C2orf76: variants seen among roughly 807,000 people sequenced by gnomAD.
The protein encoded by C2orf76 is UPF0538 protein C2orf76.
Under a neutral mutation model 16.9 loss-of-function variants are expected in C2orf76, and 23 were observed. The observed-to-expected ratio is 1.36, with a 90% CI of 0.98 to 1.93. The LOEUF (loss-of-function observed/expected upper bound fraction) is 1.93, where lower values mean the gene tolerates loss of function less well. C2orf76 is among the 30% of genes most tolerant of loss of function. The pLI is 0.00. For missense variants in C2orf76, 152 were observed against 152.6 expected, an observed-to-expected ratio of 1.00 and a Z score of 0.02; for synonymous variants, 48 against 52.3, an observed-to-expected ratio of 0.92 and a Z score of 0.35.
intron 1 of C2orf76, among the ~76,000 whole-genome samples, chr2:119,346,205 T>C (rs2104618518): frequency 6.6e-6 from 1 of 152,328 alleles, no homozygotes; most frequent in South Asian, 2.1e-4. Flanking sequence ...AAAATGGTAC[T>C]AGCCAGTCTG....
chr2:119,297,802 T>C (rs957908264), downstream of C2orf76, among the ~76,000 whole-genome samples: 2 of 152,132 alleles, frequency 1.3e-5, no homozygotes, highest in African/African-American at 2.4e-5. Flanking sequence ...TGGACCAGAA[T>C]TGGTTGTTTT....
intron 1 of C2orf76, among the ~76,000 whole-genome samples, chr2:119,357,709 C>T (rs1680615818): frequency 1.3e-5 from 2 of 151,606 alleles, no homozygotes; most frequent in Admixed American, 1.3e-4. Context: ...TCTTATTCAA[C>T]ATGCTGCTGG....
At chr2:119,331,579 C>G (rs900883926) in intron 2 of C2orf76, among the ~76,000 whole-genome samples, 5 of 152,150 alleles carry the variant, frequency 3.3e-5, no homozygotes, top group Non-Finnish European at 7.3e-5. Flanking sequence ...GCCCTGTGAA[C>G]TCTCCAGGGT....
At chr2:119,312,900 T>G (rs372858019) in intron 4 of C2orf76, among the ~76,000 whole-genome samples, 7 of 151,812 alleles carry the variant, frequency 4.6e-5, no homozygotes, top group East Asian at 3.9e-4. Context: ...CGGTGGCAGG[T>G]GCCTGTAGTC....
rs569685977 is a variant in C2orf76 at position 119,327,420 on chromosome 2, G to C, written c.134-6216C>G. ...CCTACATGGTCATTGATATAGTTTG[G>C]ATGTTTTGTCCCCTCCAAATCTCAT... On this transcript the variant is annotated intron_variant, in intron 2 of 5. Coordinates refer to ENST00000334816, the MANE Select transcript of C2orf76 (RefSeq NM_001322331.2). Among the ~76,000 whole-genome samples the C allele has an allele frequency of 2.2e-4, 28 of 129,532 alleles. No homozygotes were observed. In the South Asian group the frequency reaches 6.4e-3, roughly 29 times the overall value. 85.0% of individuals were successfully genotyped at this position (129,532 alleles called of 152,430 possible). A position where few individuals can be genotyped will look rare whatever the true frequency, so the allele number is the denominator to read the frequency against.
chr2:119,294,594 G>A, the C2orf76 span, among the ~76,000 whole-genome samples: 1 of 152,148 alleles, frequency 6.6e-6, no homozygotes, highest in South Asian at 2.1e-4. Flanking sequence ...GGCAGGTGAG[G>A]GACATGTCCG....
intron 1 of C2orf76, among the ~76,000 whole-genome samples, chr2:119,365,227 C>G (rs1680897997): frequency 6.6e-6 from 1 of 152,208 alleles, no homozygotes; most frequent in Admixed American, 6.5e-5. Flanking sequence ...GACTGCAAAT[C>G]TGGCCCACAC....
intron 1 of C2orf76, among the ~76,000 whole-genome samples, chr2:119,359,486 C>T (rs1010361197): frequency 2.0e-5 from 3 of 152,180 alleles, no homozygotes; most frequent in Admixed American, 6.5e-5. Flanking sequence ...ATACGAAAAC[C>T]TTCTGGAAAG....
At chr2:119,291,624 A>G in the C2orf76 span, among the ~76,000 whole-genome samples, 1 of 151,998 alleles carries the variant, frequency 6.6e-6, no homozygotes. Context: ...CCTGGGTCCA[A>G]GAACACTGCT....
At chr2:119,303,651 AGAT>A (rs1330403462) in intron 5 of C2orf76, among the ~76,000 whole-genome samples, 1 of 152,234 alleles carries the variant, frequency 6.6e-6, no homozygotes, top group Non-Finnish European at 1.5e-5. Context: ...GAAATTAATG[AGAT>A]TAGCATGCCA....
At chr2:119,308,700 T>C (rs1467909447) in intron 5 of C2orf76, among the ~76,000 whole-genome samples, 2 of 152,154 alleles carry the variant, frequency 1.3e-5, no homozygotes, top group Non-Finnish European at 2.9e-5. Flanking sequence ...GTATGTTCTA[T>C]TTCTATTCAA....
intron 3 of C2orf76, among the ~76,000 whole-genome samples, chr2:119,319,890 C>A (rs1411969953): frequency 6.6e-6 from 1 of 152,136 alleles, no homozygotes; most frequent in Non-Finnish European, 1.5e-5. Context: ...AACACTGCAG[C>A]CTTTCTTGTT....
chr2:119,321,844 T>A (rs1402615373), intron 2 of C2orf76, among the ~76,000 whole-genome samples: 1 of 116,756 alleles, frequency 8.6e-6, no homozygotes, highest in Non-Finnish European at 1.9e-5. Context: ...CTAATACACT[T>A]GTGTGAGACA....
intron 1 of C2orf76, among the ~76,000 whole-genome samples, chr2:119,359,063 G>A (rs927176578): frequency 1.3e-5 from 2 of 152,196 alleles, no homozygotes; most frequent in Non-Finnish European, 2.9e-5. Flanking sequence ...GTGACTTTCA[G>A]TTGAAGCCAA....
the C2orf76 span, among the ~76,000 whole-genome samples, chr2:119,282,720 A>G: frequency 6.6e-6 from 1 of 152,212 alleles, no homozygotes; most frequent in Non-Finnish European, 1.5e-5. Flanking sequence ...CCCTGGAGGG[A>G]AGGTGCCACA....
rs779051731 is a variant in C2orf76 at position 119,302,478 on chromosome 2, G to T, written c.375C>A (p.Ser125=). 2.4e-5 allele frequency: 32 copies of T among 1,359,112 alleles called. 1 individual carries two copies. Among genetic ancestry groups the T allele is most frequent in the Non-Finnish European group, 6.2e-6 (6 of 975,174 alleles). 84.2% of individuals were successfully genotyped at this position (1,359,112 alleles called of 1,614,324 possible). A position where few individuals can be genotyped will look rare whatever the true frequency, so the allele number is the denominator to read the frequency against. The change falls in exon 6 of 6, where the codon TCC becomes TCA. Residue 125 remains serine, a synonymous_variant. Transcript: ENST00000334816. ...GGAAGCCCTCGAGATGTTTTCACCAGGATGAAATGGGATTAGCTTTGTAGT... is the reference window on the plus strand; with the variant it reads ...GGAAGCCCTCGAGATGTTTTCACCATGATGAAATGGGATTAGCTTTGTAGT... ...YKNYKANPIS[S]W
the C2orf76 span, among the ~76,000 whole-genome samples, chr2:119,292,613 T>C: frequency 6.8e-4 from 103 of 152,280 alleles, 2 homozygotes; most frequent in South Asian, 2.5e-3. Flanking sequence ...TCTATACCAC[T>C]TTACACATCT....
At chr2:119,346,054 C>CAAA (rs56669262) in intron 1 of C2orf76, among the ~76,000 whole-genome samples, 50 of 73,276 alleles carry the variant, frequency 6.8e-4, no homozygotes, top group Non-Finnish European at 9.9e-4. Flanking sequence ...GACGCCATCT[C>CAAA]AAAAAAAAAA....
intron 1 of C2orf76, among the ~76,000 whole-genome samples, chr2:119,343,467 C>G (rs1406658656): frequency 8.7e-6 from 1 of 114,430 alleles, no homozygotes; most frequent in Non-Finnish European, 1.8e-5. Context: ...TATGCACACA[C>G]CTATACCTAC....
Sources: allele counts gnomAD v4.1 joint callset (sites outside exome capture counted in the v4.1 genomes callset), GRCh38; gene constraint gnomAD v4.1.1; transcripts MANE v1.5; gene names NCBI Gene and HGNC (gene_info 2026-07-23, HGNC 2026-07-21).